The following CNST variants were observed in gnomAD, a reference collection of about 807,000 sequenced individuals.
The protein encoded by CNST is consortin, connexin sorting protein.
CNST carries 39 observed loss-of-function variants against 72.4 expected under a neutral mutation model. That is an observed-to-expected ratio of 0.54 (90% CI 0.42 to 0.70). The LOEUF (loss-of-function observed/expected upper bound fraction) is 0.70. Ranked by LOEUF, CNST falls within the 30% of genes least tolerant of loss-of-function variation. CNST has a pLI of 0.00. For synonymous variants in CNST, 332 were observed against 320.1 expected, an observed-to-expected ratio of 1.04 and a Z score of -0.40; for missense variants, 871 against 868.5, an observed-to-expected ratio of 1.00 and a Z score of -0.04.
At chr1:246,589,532 G>C (rs1260820290) in intron 1 of CNST, among the ~76,000 whole-genome samples, 1 of 151,876 alleles carries the variant, frequency 6.6e-6, no homozygotes, top group Non-Finnish European at 1.5e-5. Flanking sequence ...CATTTGCGTT[G>C]GTTCCAAGTC....
chr1:246,634,394 C>A, intron 5 of CNST, 79 bp from the exon 6 acceptor site: 1 of 746,906 alleles, frequency 1.3e-6, no homozygotes, highest in Non-Finnish European at 2.2e-6. Context: ...ATGAGTGGTG[C>A]TAGTTAACTG....
At chr1:246,642,126 G>T in intron 8 of CNST, 89 bp downstream of exon 8, 1 of 423,612 alleles carries the variant, frequency 2.4e-6, no homozygotes. Flanking sequence ...TTGCTGCAAA[G>T]GATCTGGTTT....
intron 1 of CNST, 131 bp downstream of exon 1, chr1:246,566,794 G>C: frequency 2.5e-6 from 1 of 397,918 alleles, no homozygotes. Context: ...CTCCGGGTGA[G>C]GTGTAGCCCG....
chr1:246,571,383 C>G (rs570167615), intron 1 of CNST, among the ~76,000 whole-genome samples: 4 of 152,314 alleles, frequency 2.6e-5, no homozygotes, highest in Non-Finnish European at 5.9e-5. Context: ...CTCCTGACCT[C>G]AAGTGATCCG....
chr1:246,584,877 A>C (rs559558943), intron 1 of CNST, among the ~76,000 whole-genome samples: 1 of 152,296 alleles, frequency 6.6e-6, no homozygotes, highest in East Asian at 1.9e-4. Context: ...TTTTAAATCA[A>C]GACGTGATCT....
At chr1:246,619,136 G>A (rs1442468307) in intron 2 of CNST, among the ~76,000 whole-genome samples, 1 of 146,862 alleles carries the variant, frequency 6.8e-6, no homozygotes, top group South Asian at 2.3e-4. Context: ...GGGCATAGTA[G>A]TGTAGCTAGA....
In CNST at chr1:246,666,275, G is replaced by A. The variant is rs188810714; in HGVS notation, c.*370G>A. 1 of 168,906 alleles carries A rather than the reference G, an allele frequency of 5.9e-6. No individual in the cohort carries two copies. Among genetic ancestry groups the A allele is most frequent in the East Asian group, 1.7e-4 (1 of 6,050 alleles). 10.5% of individuals were successfully genotyped at this position (168,906 alleles called of 1,614,324 possible). ...AGAACACTTTTGGTTTACACTTGTTGGGTCATAGAAGTTGCTTTCCGCCAT... is the reference window on the plus strand; with the variant it reads ...AGAACACTTTTGGTTTACACTTGTTAGGTCATAGAAGTTGCTTTCCGCCAT... On this transcript the variant is annotated 3_prime_UTR_variant, in exon 11 of 11. Transcript: ENST00000366513.
At chr1:246,607,190 A>G (rs1310151203) in intron 2 of CNST, 2 of 151,656 alleles carry the variant, frequency 1.3e-5, no homozygotes, top group Non-Finnish European at 2.9e-5. Context: ...CTGGGTTGGT[A>G]AGTGTCCAGG....
intron 1 of CNST, among the ~76,000 whole-genome samples, chr1:246,586,107 A>ATGTGTGTGTGTGTG (rs1328922749): frequency 0.014 from 610 of 42,166 alleles, 2 homozygotes; most frequent in Middle Eastern, 0.031. Context: ...ATATATATAT[A>ATGTGTGTGTGTGTG]TATATGTGTG....
At chr1:246,662,372 G>A (rs939586807) in intron 10 of CNST, among the ~76,000 whole-genome samples, 1 of 152,100 alleles carries the variant, frequency 6.6e-6, no homozygotes, top group African/African-American at 2.4e-5. Flanking sequence ...AAACAGGTGA[G>A]ATGAATTTTA....
rs12127379 is a variant in CNST at position 246,645,829 on chromosome 1, C to G, written c.938-1310C>G. On this transcript the variant is annotated intron_variant, in intron 8 of 10. Transcript: ENST00000366513. ...CCTACCCATCCATGCACTTCTCATT[C>G]ATTATTCACACGGAGGTTTTTAACT... Among the ~76,000 whole-genome samples, 419 of 152,290 alleles carry G rather than the reference C, an allele frequency of 2.8e-3. 2 individuals carry two copies. Among genetic ancestry groups the G allele is most frequent in the Non-Finnish European group, 4.9e-3 (334 of 68,028 alleles).
chr1:246,580,066 T>C (rs1044745909), intron 1 of CNST, among the ~76,000 whole-genome samples: 3 of 152,220 alleles, frequency 2.0e-5, no homozygotes, highest in African/African-American at 7.2e-5. Context: ...TCTTAGTTCT[T>C]GTTTTGAAAG....
chr1:246,589,516 G>T (rs576281178), intron 1 of CNST, among the ~76,000 whole-genome samples: 3,372 of 151,910 alleles, frequency 0.022, 127 homozygotes, highest in African/African-American at 0.077. Flanking sequence ...GTCTATCATT[G>T]TTGGACATTT....
intron 6 of CNST, among the ~76,000 whole-genome samples, chr1:246,635,319 A>G (rs184243095): frequency 1.1e-3 from 172 of 152,060 alleles, no homozygotes; most frequent in African/African-American, 3.9e-3. Flanking sequence ...AGTTTCAACA[A>G]GAGTTTTAAT....
Position 246,605,569 on chromosome 1 carries a change from T to G in CNST, c.379+13628T>G, listed in dbSNP as rs970236856. On this transcript the variant is annotated intron_variant, in intron 2 of 10. Transcript: ENST00000366513. Reference sequence around the variant, plus strand: ...AGGACGGGGCAGGGGTTTTACAGTCTCCTGTAAACAGGAAGTGTCCCTGTC... The same window carrying G: ...AGGACGGGGCAGGGGTTTTACAGTCGCCTGTAAACAGGAAGTGTCCCTGTC... Among the ~76,000 whole-genome samples the G allele has an allele frequency of 5.3e-5, 8 of 152,016 alleles. No homozygotes were observed. In the East Asian group the frequency reaches 5.8e-4, roughly 11 times the overall value.
chr1:246,627,737 C>T (rs1321744946), intron 3 of CNST, among the ~76,000 whole-genome samples: 1 of 151,980 alleles, frequency 6.6e-6, no homozygotes, highest in Non-Finnish European at 1.5e-5. Context: ...TAAAAGAAGA[C>T]ATAATTCAGG....
chr1:246,662,292 A>G (rs1183381253), intron 10 of CNST, among the ~76,000 whole-genome samples: 3 of 152,196 alleles, frequency 2.0e-5, no homozygotes, highest in Non-Finnish European at 4.4e-5. Context: ...AGCCAATGCT[A>G]TCCCCTGGAA....
At chr1:246,661,524 G>A (rs977282574) in intron 10 of CNST, among the ~76,000 whole-genome samples, 2 of 152,122 alleles carry the variant, frequency 1.3e-5, no homozygotes, top group African/African-American at 4.8e-5. Context: ...AGTGTCTCTC[G>A]AGAGCAGCAG....
At chr1:246,637,934 T>C (rs1665402562) in intron 6 of CNST, among the ~76,000 whole-genome samples, 1 of 152,156 alleles carries the variant, frequency 6.6e-6, no homozygotes, top group South Asian at 2.1e-4. Flanking sequence ...GAGTGAAGTC[T>C]ACCTGCCAAT....
Sources: gnomAD v4.1 joint callset for allele counts (sites outside exome capture counted in the v4.1 genomes callset) on GRCh38, gnomAD v4.1.1 for gene constraint, MANE v1.5 for transcripts, NCBI Gene and HGNC (gene_info 2026-07-23, HGNC 2026-07-21) for gene names.